Variants in TUSC3 observed in about 807,000 individuals in gnomAD.
TUSC3 encodes tumor suppressor candidate 3.
Under a neutral mutation model 44.8 loss-of-function variants are expected in TUSC3, and 45 were observed. That is an observed-to-expected ratio of 1.00 (90% CI 0.79 to 1.29). The LOEUF is 1.29. Among genes scored for constraint, TUSC3 ranks in the 50% most tolerant of loss-of-function variants. The probability of loss-of-function intolerance (pLI) is 0.00; values close to 1 mark genes in which losing one functional copy is unlikely to be tolerated. For missense variants in TUSC3, 519 were observed against 437.9 expected, an observed-to-expected ratio of 1.19 and a Z score of -1.65; for synonymous variants, 212 against 152.9, an observed-to-expected ratio of 1.39 and a Z score of -2.85.
At chr8:15,636,093 A>G (rs1040715827) in intron 2 of TUSC3, among the ~76,000 whole-genome samples, 8 of 152,314 alleles carry the variant, frequency 5.3e-5, no homozygotes, top group Admixed American at 1.3e-4. Context: ...GGTCAGGACT[A>G]TGAGGACTGC....
intron 6 of TUSC3, among the ~76,000 whole-genome samples, chr8:15,722,306 T>C (rs1487950780): frequency 6.6e-6 from 1 of 151,760 alleles, no homozygotes; most frequent in East Asian, 1.9e-4. Context: ...ATTGACAGGG[T>C]AATAAAGGTA....
At chr8:15,817,348 G>GA in the TUSC3 span, among the ~76,000 whole-genome samples, 109,629 of 149,598 alleles carry the variant, frequency 0.73, 42,092 homozygotes, top group Non-Finnish European at 0.85. Flanking sequence ...ATTAAGACTT[G>GA]AAAAAAAAAA....
intron 6 of TUSC3, among the ~76,000 whole-genome samples, chr8:15,719,813 A>G (rs985884334): frequency 6.6e-6 from 1 of 152,068 alleles, no homozygotes; most frequent in Non-Finnish European, 1.5e-5. Flanking sequence ...AAAAAGCTCA[A>G]TTCTACACAG....
At chr8:15,489,780 C>G (rs1279130800) in intron 2 of TUSC3, among the ~76,000 whole-genome samples, 1 of 152,156 alleles carries the variant, frequency 6.6e-6, no homozygotes, top group Non-Finnish European at 1.5e-5. Flanking sequence ...CCTCTCTTCC[C>G]ATCGTGGCCT....
At chr8:15,684,747 C>T (rs879845375) in intron 6 of TUSC3, among the ~76,000 whole-genome samples, 3 of 152,130 alleles carry the variant, frequency 2.0e-5, no homozygotes, top group Non-Finnish European at 4.4e-5. Context: ...GCTTGGTATC[C>T]CTGGGTGGTG....
intron 2 of TUSC3, among the ~76,000 whole-genome samples, chr8:15,642,509 G>T (rs958661283): frequency 6.6e-6 from 1 of 152,012 alleles, no homozygotes; most frequent in Non-Finnish European, 1.5e-5. Flanking sequence ...TCCATCTCTT[G>T]GGACACAGTT....
In TUSC3 at chr8:15,757,856, G is replaced by A. The variant is rs373581974; in HGVS notation, c.*46+1G>A. 1.5e-4 allele frequency: 206 copies of A among 1,375,504 alleles called. No individual in the cohort carries two copies. The highest frequency in any genetic ancestry group is 2.1e-4 in the Non-Finnish European group (201 of 962,874). The allele number at this position is 1,375,504 out of a possible 1,614,324, so 85.2% of individuals were successfully genotyped here. On this transcript the variant is annotated splice_donor_variant, in intron 10 of 10. Transcript: ENST00000503731. LOFTEE classifies it low-confidence loss of function (3UTR_SPLICE). ...GCACTTAAAAACTCTATAACCTCAG[G>A]CAAGTCTTTTAATCTTCTCTGAGCC...
intron 1 of TUSC3, among the ~76,000 whole-genome samples, chr8:15,622,330 C>A (rs1028804937): frequency 1.3e-5 from 2 of 150,838 alleles, no homozygotes; most frequent in African/African-American, 4.9e-5. Context: ...CAGTGTCTTA[C>A]TGTGTTGCCT....
intron 1 of TUSC3, among the ~76,000 whole-genome samples, chr8:15,598,476 A>G (rs1804155845): frequency 6.6e-6 from 1 of 151,876 alleles, no homozygotes; most frequent in Non-Finnish European, 1.5e-5. Context: ...ATAATTACCC[A>G]AAGTCTGTAC....
At chr8:15,839,403 A>T in the TUSC3 span, among the ~76,000 whole-genome samples, 1 of 152,086 alleles carries the variant, frequency 6.6e-6, no homozygotes, top group Non-Finnish European at 1.5e-5. Flanking sequence ...TGTTGGATAG[A>T]AGTGGTGAGT....
At chr8:15,433,919 A>G (rs1799911760) in intron 1 of TUSC3, among the ~76,000 whole-genome samples, 1 of 152,166 alleles carries the variant, frequency 6.6e-6, no homozygotes, top group Non-Finnish European at 1.5e-5. Flanking sequence ...AAAGCTAGGA[A>G]TATTTTGTAC....
At chr8:15,628,401 C>T (rs1259819874) in intron 2 of TUSC3, among the ~76,000 whole-genome samples, 6 of 152,080 alleles carry the variant, frequency 3.9e-5, no homozygotes, top group Non-Finnish European at 8.8e-5. Context: ...TTTTTAATGA[C>T]ATCTAGCCTA....
intron 1 of TUSC3, among the ~76,000 whole-genome samples, chr8:15,460,798 A>C (rs8181001): frequency 0.17 from 25,666 of 151,594 alleles, 2,932 homozygotes; most frequent in East Asian, 0.38. Context: ...CGTTTCCCCC[A>C]CTTTGTTTTT....
chr8:15,779,872 G>T, the TUSC3 span, among the ~76,000 whole-genome samples: 4 of 152,180 alleles, frequency 2.6e-5, no homozygotes, highest in Non-Finnish European at 5.9e-5. Flanking sequence ...AAACGCTATA[G>T]TCTGTGTCAT....
chr8:15,465,667 A>G (rs1414420813), intron 1 of TUSC3, among the ~76,000 whole-genome samples: 2 of 152,204 alleles, frequency 1.3e-5, no homozygotes, highest in Non-Finnish European at 2.9e-5. Context: ...TTCCTGTAAA[A>G]CTTTTATCTG....
chr8:15,657,638 C>T (rs1022670451), intron 3 of TUSC3, among the ~76,000 whole-genome samples: 9 of 152,172 alleles, frequency 5.9e-5, no homozygotes, highest in Non-Finnish European at 1.2e-4. Flanking sequence ...TCTAGAATCA[C>T]CCTCAGTGCT....
intron 7 of TUSC3, among the ~76,000 whole-genome samples, chr8:15,740,216 G>A (rs1165770421): frequency 6.6e-6 from 1 of 152,070 alleles, no homozygotes; most frequent in East Asian, 1.9e-4. Flanking sequence ...CTCAGGCAGT[G>A]GGAATAACAA....
chr8:15,743,162 G>C (rs936870182), intron 7 of TUSC3, among the ~76,000 whole-genome samples: 1 of 152,204 alleles, frequency 6.6e-6, no homozygotes, highest in Non-Finnish European at 1.5e-5. Flanking sequence ...GTACACACAC[G>C]TTATGAAAAT....
At chr8:15,728,433 C>T (rs551001514) in intron 6 of TUSC3, among the ~76,000 whole-genome samples, 6 of 123,604 alleles carry the variant, frequency 4.9e-5, no homozygotes, top group Non-Finnish European at 8.1e-5. Flanking sequence ...ACAGTATTTT[C>T]TGAATGATTG....
Sources: allele counts gnomAD v4.1 joint callset (sites outside exome capture counted in the v4.1 genomes callset), GRCh38; gene constraint gnomAD v4.1.1; transcripts MANE v1.5; gene names NCBI Gene and HGNC (gene_info 2026-07-23, HGNC 2026-07-21).